KIRREL3: variants seen among roughly 807,000 people sequenced by gnomAD.
KIRREL3 encodes kirre like nephrin family adhesion molecule 3.
KIRREL3 carries 36 observed loss-of-function variants against 89.7 expected under a neutral mutation model. The observed-to-expected ratio is 0.40, with a 90% CI of 0.31 to 0.53. The LOEUF is 0.53. Ranked by LOEUF, KIRREL3 falls within the 20% of genes least tolerant of loss-of-function variation. The pLI is 0.49. For synonymous variants in KIRREL3, 445 were observed against 441.4 expected (o/e 1.01, Z -0.10); for missense variants, 864 against 1,056.6 (o/e 0.82, Z 2.53).
intron 1 of KIRREL3, among the ~76,000 whole-genome samples, chr11:126,813,167 C>T (rs1028034168): frequency 6.6e-6 from 1 of 152,166 alleles, no homozygotes; most frequent in Admixed American, 6.5e-5. Flanking sequence ...TTCAGCAACT[C>T]GTTTGAGCTG....
At chr11:126,524,728 G>A (rs920803717) in intron 3 of KIRREL3, among the ~76,000 whole-genome samples, 1 of 152,192 alleles carries the variant, frequency 6.6e-6, no homozygotes, top group Non-Finnish European at 1.5e-5. Flanking sequence ...GGACAGAGAT[G>A]TAGCAGGCTG....
rs940408461 is a variant in KIRREL3, at chr11:126,830,672, G to A, written c.55+169783C>T. On this transcript the variant is annotated intron_variant, in intron 1 of 16. Coordinates refer to ENST00000525144, the MANE Select transcript of KIRREL3 (RefSeq NM_032531.4). This position sits in a 1 kb window ranked among gnomAD's most constrained non-coding sequence, Gnocchi z 4.9. ...ACTTAGGAAGGTGTTCGTGCCAGACGCATTCATTGTCTAACTGCCTGGATG... is the reference window on the plus strand; with the variant it reads ...ACTTAGGAAGGTGTTCGTGCCAGACACATTCATTGTCTAACTGCCTGGATG... Among the ~76,000 whole-genome samples, 3 of 152,184 alleles carry A rather than the reference G, an allele frequency of 2.0e-5. No individual in the cohort carries two copies. The highest frequency in any genetic ancestry group is 6.5e-5 in the Admixed American group (1 of 15,284).
In KIRREL3 at chr11:126,443,067, A is replaced by G. The variant is rs1382488357; in HGVS notation, c.1252+1912T>C. ...TTCTCTCCTCAAGAAATCTCTTTAA[A>G]TCTCCCTTGGAAATGTCTGAACGTC... On this transcript the variant is annotated intron_variant, in intron 10 of 16. Transcript: ENST00000525144. This position sits in a 1 kb window ranked among gnomAD's most constrained non-coding sequence, Gnocchi z 7.3. Among the ~76,000 whole-genome samples, 1 of 152,114 alleles carries G rather than the reference A, an allele frequency of 6.6e-6. No individual in the cohort carries two copies.
rs1299440917 is a variant in KIRREL3, at chr11:126,456,023, G to GT, written c.848+325dup. Among the ~76,000 whole-genome samples, 38 of 104,644 alleles carry GT rather than the reference G, an allele frequency of 3.6e-4. No homozygotes were observed. In the South Asian group the frequency reaches 8.0e-3, roughly 22 times the overall value. The allele number at this position is 104,644 out of a possible 152,430, so 68.7% of individuals were successfully genotyped here. A position where few individuals can be genotyped will look rare whatever the true frequency, so the allele number is the denominator to read the frequency against. ...CTTGCTGCTTCTCCTGGTTGTTCTGGTTTTTTTTTGTTTTCGTTTTTTTTT... is the reference window on the plus strand; with the variant it reads ...CTTGCTGCTTCTCCTGGTTGTTCTGGTTTTTTTTTTGTTTTCGTTTTTTTTT... On this transcript the variant is annotated intron_variant, in intron 7 of 16. Transcript: ENST00000525144.
rs1043822750 is a variant in KIRREL3 at position 126,903,254 on chromosome 11, G to A, written c.55+97201C>T. 2.6e-5 allele frequency among the ~76,000 whole-genome samples: 4 copies of A among 152,092 alleles called. No homozygotes were observed. On this transcript the variant is annotated intron_variant, in intron 1 of 16. Coordinates refer to ENST00000525144, the MANE Select transcript of KIRREL3 (RefSeq NM_032531.4). The surrounding 1 kb of genome is among the most constrained non-coding windows in gnomAD (Gnocchi z 4.5). ...TCCCTCTGCAATTACCATTTGGTAT[G>A]AAGTTTAGGCACTCACATTTTTCTT...
In KIRREL3 at chr11:126,697,318, C is replaced by T. The variant is rs558457443; in HGVS notation, c.56-134406G>A. Reference sequence around the variant, plus strand: ...GAACTGCAGCCAGCACTGGCCTTGCCGGCTCACTGCACAGGGTGGGCACTT... The same window carrying T: ...GAACTGCAGCCAGCACTGGCCTTGCTGGCTCACTGCACAGGGTGGGCACTT... On this transcript the variant is annotated intron_variant, in intron 1 of 16. Transcript: ENST00000525144. The surrounding 1 kb of genome is among the most constrained non-coding windows in gnomAD (Gnocchi z 4.2). 2.8e-4 allele frequency among the ~76,000 whole-genome samples: 43 copies of T among 152,330 alleles called. No individual in the cohort carries two copies. Among genetic ancestry groups the T allele is most frequent in the South Asian group, 1.9e-3 (9 of 4,828 alleles).
At chr11:126,765,315 T>TCA (rs1949788540) in intron 1 of KIRREL3, among the ~76,000 whole-genome samples, 1 of 151,794 alleles carries the variant, frequency 6.6e-6, no homozygotes, top group African/African-American at 2.4e-5. Flanking sequence ...GTCTTCAAGC[T>TCA]TATCTACACA....
chr11:126,658,070 T>C (rs1945236222), intron 1 of KIRREL3, among the ~76,000 whole-genome samples: 1 of 152,230 alleles, frequency 6.6e-6, no homozygotes, highest in South Asian at 2.1e-4. Flanking sequence ...GGAGTCGAGT[T>C]AGCCCCTCCT....
At position 126,492,319 on chromosome 11, in the gene KIRREL3, G is replaced by A. The variant is rs1447114483; in HGVS notation, c.434-18853C>T. On this transcript the variant is annotated intron_variant, in intron 4 of 16. Coordinates refer to ENST00000525144, the MANE Select transcript of KIRREL3 (RefSeq NM_032531.4). This position sits in a 1 kb window ranked among gnomAD's most constrained non-coding sequence, Gnocchi z 4.8. ...TTCCCAAGCCTGTTCCCCTACCCCCGATGAGGGATGAGGTGGATGTGACAA... is the reference window on the plus strand; with the variant it reads ...TTCCCAAGCCTGTTCCCCTACCCCCAATGAGGGATGAGGTGGATGTGACAA... Among the ~76,000 whole-genome samples the A allele has an allele frequency of 2.0e-5, 3 of 152,156 alleles. No homozygotes were observed. The highest frequency in any genetic ancestry group is 1.9e-4 in the East Asian group (1 of 5,186).
chr11:126,435,434 A>G (rs1301015878), intron 12 of KIRREL3, 131 bp from the exon 13 acceptor site: 2 of 877,926 alleles, frequency 2.3e-6, no homozygotes, highest in East Asian at 2.6e-5. Context: ...GGACCCCCCA[A>G]CAGATCCAGG....
Position 126,553,354 on chromosome 11 carries a change from C to T in KIRREL3, c.133+9481G>A, listed in dbSNP as rs563852990. 6.6e-6 allele frequency among the ~76,000 whole-genome samples: 1 copy of T among 152,220 alleles called. No homozygotes were observed. Among genetic ancestry groups the T allele is most frequent in the South Asian group, 2.1e-4 (1 of 4,820 alleles). The stretch of plus-strand genomic sequence containing the variant: ...AGTCAGTGTCTATTCTAGGCAAGAC[C>T]CATTTGTAGACCCGCAGCACCAGTC... On this transcript the variant is annotated intron_variant, in intron 2 of 16. Transcript: ENST00000525144. This position sits in a 1 kb window ranked among gnomAD's most constrained non-coding sequence, Gnocchi z 4.7.
chr11:126,595,000 G>A lies in KIRREL3; in HGVS notation c.56-32088C>T, dbSNP rs1942327519. Among the ~76,000 whole-genome samples, 1 of 152,222 alleles carries A rather than the reference G, an allele frequency of 6.6e-6. No individual in the cohort carries two copies. Among genetic ancestry groups the A allele is most frequent in the African/African-American group, 2.4e-5 (1 of 41,456 alleles). On this transcript the variant is annotated intron_variant, in intron 1 of 16. Coordinates refer to ENST00000525144, the MANE Select transcript of KIRREL3 (RefSeq NM_032531.4). The surrounding 1 kb of genome is among the most constrained non-coding windows in gnomAD (Gnocchi z 5.0). ...GGCCTTCTGGGTTGTGAGGCGTGGG[G>A]CACCCCGTCCTGAGCGTGCCCTGAA...
At chr11:126,856,944 A>T (rs906761004) in intron 1 of KIRREL3, among the ~76,000 whole-genome samples, 14 of 152,048 alleles carry the variant, frequency 9.2e-5, no homozygotes, top group African/African-American at 3.4e-4. Context: ...AACATTTTAT[A>T]TTTTGATTTT....
intron 1 of KIRREL3, among the ~76,000 whole-genome samples, chr11:126,964,999 A>G (rs2135193538): frequency 6.6e-6 from 1 of 152,328 alleles, no homozygotes; most frequent in South Asian, 2.1e-4. Flanking sequence ...CATTCATTAA[A>G]GTGCACCTCC....
chr11:126,583,694 C>T (rs115722849), intron 1 of KIRREL3, among the ~76,000 whole-genome samples: 4,587 of 152,226 alleles, frequency 0.03, 209 homozygotes, highest in African/African-American at 0.1. Flanking sequence ...CCATCTACCT[C>T]GAGGAGCTGC....
At chr11:126,434,354 A>C (rs1002794011) in intron 13 of KIRREL3, among the ~76,000 whole-genome samples, 2 of 152,246 alleles carry the variant, frequency 1.3e-5, no homozygotes, top group African/African-American at 4.8e-5. Context: ...CACCCTCAGC[A>C]CTAGCATGGA....
chr11:126,572,104 A>G (rs1371253128), intron 1 of KIRREL3, among the ~76,000 whole-genome samples: 2 of 152,230 alleles, frequency 1.3e-5, no homozygotes, highest in African/African-American at 4.8e-5. Context: ...TGGTCCATTC[A>G]GTCCATCATG....
In KIRREL3 at chr11:126,989,722, G is replaced by T. The variant is rs1321441499; in HGVS notation, c.55+10733C>A. 6.6e-6 allele frequency among the ~76,000 whole-genome samples: 1 copy of T among 152,164 alleles called. No individual in the cohort carries two copies. Among genetic ancestry groups the T allele is most frequent in the Non-Finnish European group, 1.5e-5 (1 of 68,030 alleles). On this transcript the variant is annotated intron_variant, in intron 1 of 16. Transcript: ENST00000525144. This position sits in a 1 kb window ranked among gnomAD's most constrained non-coding sequence, Gnocchi z 6.2. ...ATGACGAAGTCTTAGGGCCAACAGG[G>T]GAACGAAGTCTTAGGGCCAACAGGG...
chr11:126,713,120 C>T (rs899345804), intron 1 of KIRREL3, among the ~76,000 whole-genome samples: 8 of 152,168 alleles, frequency 5.3e-5, no homozygotes, highest in Non-Finnish European at 1.2e-4. Flanking sequence ...CTGTGGAAGC[C>T]CACATTGCTG....
Sources: allele counts gnomAD v4.1 joint callset (sites outside exome capture counted in the v4.1 genomes callset), GRCh38; gene constraint gnomAD v4.1.1; non-coding constraint Gnocchi (gnomAD v3.1); transcripts MANE v1.5; gene names NCBI Gene and HGNC (gene_info 2026-07-23, HGNC 2026-07-21).